The following MAF variants were observed in gnomAD, a reference collection of about 807,000 sequenced individuals.
MAF encodes MAF bZIP transcription factor, also known as transcription factor Maf.
Under a neutral mutation model 22.0 loss-of-function variants are expected in MAF, and 10 were observed. The observed-to-expected ratio is 0.45, with a 90% CI of 0.28 to 0.77. The LOEUF (loss-of-function observed/expected upper bound fraction) is 0.77, where lower values mean the gene tolerates loss of function less well. Ranked by LOEUF, MAF falls within the 30% of genes least tolerant of loss-of-function variation. The pLI is 0.12. For synonymous variants in MAF, 337 were observed against 255.8 expected, an observed-to-expected ratio of 1.32 and a Z score of -3.03; for missense variants, 544 against 548.4, an observed-to-expected ratio of 0.99 and a Z score of 0.08.
chr16:79,385,905 GAAAAACAAACAA>G, the MAF span, among the ~76,000 whole-genome samples: 1 of 152,168 alleles, frequency 6.6e-6, no homozygotes, highest in South Asian at 2.1e-4. Flanking sequence ...ACTCTGTAAC[GAAAAACAAACAA>G]AAAAACAAAA....
chr16:79,584,960 T>C (rs1487175944), downstream of MAF, among the ~76,000 whole-genome samples: 1 of 152,212 alleles, frequency 6.6e-6, no homozygotes. Flanking sequence ...CGTACCTCCT[T>C]TGCAAAGAGC....
At chr16:79,377,148 A>G in the MAF span, among the ~76,000 whole-genome samples, 1 of 152,270 alleles carries the variant, frequency 6.6e-6, no homozygotes, top group South Asian at 2.1e-4. Context: ...CAACGGTGTA[A>G]AAGTGTTCCT....
At chr16:79,377,441 G>C in the MAF span, among the ~76,000 whole-genome samples, 1 of 152,174 alleles carries the variant, frequency 6.6e-6, no homozygotes, top group African/African-American at 2.4e-5. Context: ...TTTGTCAGAT[G>C]AGTAGATTGC....
chr16:79,557,858 G>A, the MAF span, among the ~76,000 whole-genome samples: 25 of 151,856 alleles, frequency 1.6e-4, no homozygotes, highest in African/African-American at 5.8e-4. Flanking sequence ...GAGACATGTG[G>A]GTGCTAAAGG....
intron 1 of MAF, chr16:79,598,455 T>TAAAAAAA: frequency 4.6e-6 from 5 of 1,086,840 alleles, no homozygotes; most frequent in African/African-American, 4.3e-5. Context: ...CGGGGGGGTG[T>TAAAAAAA]AAAAAAAAAA....
At chr16:79,515,184 C>T in the MAF span, among the ~76,000 whole-genome samples, 2 of 152,196 alleles carry the variant, frequency 1.3e-5, no homozygotes, top group African/African-American at 2.4e-5. Flanking sequence ...TGTTATTTTT[C>T]GCCATTGTCA....
chr16:79,422,205 T>C, the MAF span, among the ~76,000 whole-genome samples: 30 of 152,330 alleles, frequency 2.0e-4, no homozygotes, highest in African/African-American at 7.0e-4. Flanking sequence ...TGCTTTATTT[T>C]GTTTTCCTAA....
the MAF span, among the ~76,000 whole-genome samples, chr16:79,508,935 T>C: frequency 3.9e-5 from 6 of 152,210 alleles, no homozygotes; most frequent in Non-Finnish European, 7.3e-5. Context: ...TGGAACTGTA[T>C]AGAGGTGATG....
chr16:79,226,237 G>C, the MAF span, among the ~76,000 whole-genome samples: 2 of 152,134 alleles, frequency 1.3e-5, no homozygotes, highest in African/African-American at 2.4e-5. Flanking sequence ...CAGGGACATG[G>C]ATGAAGCTGA....
the MAF span, among the ~76,000 whole-genome samples, chr16:79,350,389 C>G: frequency 1.3e-5 from 2 of 152,220 alleles, no homozygotes; most frequent in African/African-American, 4.8e-5. Flanking sequence ...GGATTTGAGT[C>G]TCCAGCTGTG....
the MAF span, among the ~76,000 whole-genome samples, chr16:79,519,920 G>A: frequency 3.2e-3 from 484 of 152,284 alleles, 12 homozygotes; most frequent in East Asian, 0.074. Context: ...TCCTCCATCC[G>A]GGACAGCGCA....
the MAF span, among the ~76,000 whole-genome samples, chr16:79,230,853 C>T: frequency 3.9e-5 from 6 of 152,100 alleles, no homozygotes; most frequent in Middle Eastern, 3.4e-3. Flanking sequence ...TGAAGATAGG[C>T]GAATACATTT....
chr16:79,419,476 T>G, the MAF span, among the ~76,000 whole-genome samples: 1 of 152,230 alleles, frequency 6.6e-6, no homozygotes, highest in Non-Finnish European at 1.5e-5. Context: ...ACAGTTTCCA[T>G]GCCGATGGCA....
At chr16:79,204,100 T>A in the MAF span, 1 of 152,060 alleles carries the variant, frequency 6.6e-6, no homozygotes, top group Non-Finnish European at 1.5e-5. Flanking sequence ...TCTATGGCAC[T>A]TCTGCTTGGC....
At chr16:79,272,707 C>T in the MAF span, among the ~76,000 whole-genome samples, 1 of 152,198 alleles carries the variant, frequency 6.6e-6, no homozygotes, top group Non-Finnish European at 1.5e-5. Flanking sequence ...TTTGTCCATT[C>T]ATTCATTCTT....
chr16:79,283,097 G>A, the MAF span, among the ~76,000 whole-genome samples: 1 of 152,172 alleles, frequency 6.6e-6, no homozygotes, highest in Non-Finnish European at 1.5e-5. Context: ...ATTCATCTTT[G>A]TATCTCTGGT....
At chr16:79,544,977 G>C in the MAF span, among the ~76,000 whole-genome samples, 73 of 152,176 alleles carry the variant, frequency 4.8e-4, no homozygotes, top group African/African-American at 1.6e-3. Context: ...TGGGGCTTGA[G>C]GTGGTTCTCT....
At chr16:79,322,142 G>A in the MAF span, among the ~76,000 whole-genome samples, 3 of 152,226 alleles carry the variant, frequency 2.0e-5, no homozygotes, top group Admixed American at 2.0e-4. Flanking sequence ...TGAGGTAGGA[G>A]AATTGCTTTA....
At chr16:79,348,264 C>T in the MAF span, among the ~76,000 whole-genome samples, 2 of 152,320 alleles carry the variant, frequency 1.3e-5, no homozygotes, top group South Asian at 2.1e-4. Flanking sequence ...CAGTGCAAGG[C>T]GGAGTAAATA....
Sources: gnomAD v4.1 joint callset for allele counts (sites outside exome capture counted in the v4.1 genomes callset) on GRCh38, gnomAD v4.1.1 for gene constraint, MANE v1.5 for transcripts, NCBI Gene and HGNC (gene_info 2026-07-23, HGNC 2026-07-21) for gene names.